CCSER1: variants seen among roughly 807,000 people sequenced by gnomAD.
The protein encoded by CCSER1 is serine-rich coiled-coil domain-containing protein 1.
Under a neutral mutation model 82.0 loss-of-function variants are expected in CCSER1, and 41 were observed. That is an observed-to-expected ratio of 0.50 (90% CI 0.39 to 0.65). CCSER1 has a LOEUF of 0.65. Ranked by LOEUF, CCSER1 falls within the 30% of genes least tolerant of loss-of-function variation. CCSER1 has a pLI of 0.00. For missense variants in CCSER1, 1,119 were observed against 1,064.2 expected, an observed-to-expected ratio of 1.05 and a Z score of -0.72; for synonymous variants, 414 against 383.9, an observed-to-expected ratio of 1.08 and a Z score of -0.92.
chr4:90,852,267 A>G (rs1763975725), intron 8 of CCSER1, among the ~76,000 whole-genome samples: 1 of 152,238 alleles, frequency 6.6e-6, no homozygotes, highest in South Asian at 2.1e-4. Flanking sequence ...TGAATGGCAA[A>G]GAAGTCACTG....
intron 10 of CCSER1, among the ~76,000 whole-genome samples, chr4:91,161,283 C>A (rs1296487845): frequency 6.6e-6 from 1 of 152,130 alleles, no homozygotes; most frequent in Non-Finnish European, 1.5e-5. Context: ...GGTACTAGTA[C>A]CCTGCTGTTT....
chr4:90,493,676 G>C (rs1322693097), intron 5 of CCSER1, among the ~76,000 whole-genome samples: 1 of 152,126 alleles, frequency 6.6e-6, no homozygotes, highest in Non-Finnish European at 1.5e-5. Context: ...AGCTTCATAA[G>C]TGAAGGAGAA....
At chr4:91,578,365 T>G (rs1763551939) in intron 10 of CCSER1, among the ~76,000 whole-genome samples, 1 of 152,016 alleles carries the variant, frequency 6.6e-6, no homozygotes, top group Admixed American at 6.6e-5. Flanking sequence ...TAAAACCATT[T>G]TATTATATAT....
intron 1 of CCSER1, among the ~76,000 whole-genome samples, chr4:90,256,558 C>T (rs754681862): frequency 1.1e-4 from 17 of 152,048 alleles, no homozygotes; most frequent in Non-Finnish European, 1.9e-4. Flanking sequence ...CTTACATGCC[C>T]TGTGAGTAGG....
chr4:90,859,537 T>C (rs1764828974), intron 8 of CCSER1, among the ~76,000 whole-genome samples: 1 of 151,816 alleles, frequency 6.6e-6, no homozygotes, highest in African/African-American at 2.4e-5. Flanking sequence ...TACTTGTTTA[T>C]AGGATGATAG....
At chr4:90,301,428 G>A (rs560788637) in intron 1 of CCSER1, among the ~76,000 whole-genome samples, 1 of 152,214 alleles carries the variant, frequency 6.6e-6, no homozygotes, top group East Asian at 1.9e-4. Flanking sequence ...AAGAACAAAA[G>A]TACTGTTTCT....
At chr4:91,516,568 G>A (rs952734102) in intron 10 of CCSER1, among the ~76,000 whole-genome samples, 3 of 152,026 alleles carry the variant, frequency 2.0e-5, no homozygotes, top group African/African-American at 7.2e-5. Context: ...TGGTCTATAT[G>A]TCTGTTTTTT....
chr4:90,169,427 G>A (rs1243056505), intron 1 of CCSER1, among the ~76,000 whole-genome samples: 1 of 152,058 alleles, frequency 6.6e-6, no homozygotes, highest in Non-Finnish European at 1.5e-5. Flanking sequence ...TGCAAACAGG[G>A]ACAATTTGAC....
intron 10 of CCSER1, among the ~76,000 whole-genome samples, chr4:91,500,712 T>G (rs1430864931): frequency 6.6e-6 from 1 of 152,036 alleles, no homozygotes; most frequent in East Asian, 1.9e-4. Flanking sequence ...ATTTTGTGCT[T>G]AGATTTTCCA....
chr4:91,426,350 G>A (rs181717078), intron 10 of CCSER1, among the ~76,000 whole-genome samples: 72 of 152,142 alleles, frequency 4.7e-4, no homozygotes, highest in African/African-American at 1.6e-3. Flanking sequence ...ATAAACATAC[G>A]TGCACATATG....
intron 4 of CCSER1, among the ~76,000 whole-genome samples, chr4:90,451,755 C>G (rs1761489000): frequency 6.6e-6 from 1 of 152,128 alleles, no homozygotes; most frequent in South Asian, 2.1e-4. Flanking sequence ...ATATATGAGG[C>G]CCTCTTGCTG....
Position 90,511,732 on chromosome 4 carries a change from C to T in CCSER1, c.1724+43378C>T, listed in dbSNP as rs551724829. Among the ~76,000 whole-genome samples the T allele has an allele frequency of 1.1e-4, 17 of 151,966 alleles. No individual in the cohort carries two copies. In the South Asian group the frequency reaches 1.9e-3, roughly 17 times the overall value. ...GCAGAGTATGTGCTTCAAGTAATAA[C>T]GTGTAAAGAGAACAAAATGATGGTA... On this transcript the variant is annotated intron_variant, in intron 5 of 10. Coordinates refer to ENST00000509176, the MANE Select transcript of CCSER1 (RefSeq NM_001145065.2).
chr4:90,653,750 C>T (rs1280791109), intron 6 of CCSER1, among the ~76,000 whole-genome samples: 9 of 152,014 alleles, frequency 5.9e-5, no homozygotes, highest in Non-Finnish European at 1.2e-4. Context: ...AAACTATGCA[C>T]GTCTACAAAA....
chr4:90,717,741 C>G (rs572523793), intron 6 of CCSER1, among the ~76,000 whole-genome samples: 1 of 95,346 alleles, frequency 1.0e-5, no homozygotes, highest in Non-Finnish European at 2.2e-5. Context: ...TATATATATA[C>G]ACATATATAT....
intron 10 of CCSER1, among the ~76,000 whole-genome samples, chr4:91,194,968 C>G (rs1056492287): frequency 6.6e-6 from 1 of 152,122 alleles, no homozygotes; most frequent in African/African-American, 2.4e-5. Context: ...ACTTACAACA[C>G]TTGAGTATCA....
intron 5 of CCSER1, among the ~76,000 whole-genome samples, chr4:90,603,644 C>A (rs1186817465): frequency 6.6e-6 from 1 of 152,112 alleles, no homozygotes; most frequent in Non-Finnish European, 1.5e-5. Context: ...TAGTAAATAA[C>A]CTTGTACATC....
At chr4:90,387,986 T>C (rs534340410) in intron 3 of CCSER1, among the ~76,000 whole-genome samples, 1 of 152,300 alleles carries the variant, frequency 6.6e-6, no homozygotes, top group African/African-American at 2.4e-5. Flanking sequence ...AAGGACAGTT[T>C]TGAGGACTGT....
intron 1 of CCSER1, among the ~76,000 whole-genome samples, chr4:90,144,367 T>G: frequency 6.6e-6 from 1 of 152,204 alleles, no homozygotes; most frequent in East Asian, 1.9e-4. Context: ...CTAGATTATT[T>G]AAAGTAAAAT....
chr4:91,079,402 C>G (rs1412053999), intron 9 of CCSER1, among the ~76,000 whole-genome samples: 2 of 152,152 alleles, frequency 1.3e-5, no homozygotes, highest in Non-Finnish European at 2.9e-5. Context: ...TCAGGCCTGC[C>G]TTACAAGAGC....
Sources: allele counts gnomAD v4.1 joint callset (sites outside exome capture counted in the v4.1 genomes callset), GRCh38; gene constraint gnomAD v4.1.1; transcripts MANE v1.5; gene names NCBI Gene and HGNC (gene_info 2026-07-23, HGNC 2026-07-21).